Variants in TACR1 observed in about 807,000 individuals in gnomAD.
TACR1 encodes tachykinin receptor 1.
In TACR1, 25 loss-of-function variants were observed where a neutral mutation model predicts 35.8. The ratio of observed to expected loss-of-function variants is 0.70; its 90% CI spans 0.51 to 0.98. The LOEUF is 0.98. TACR1 is among the 50% of genes least tolerant of loss of function. The pLI, the probability that TACR1 is intolerant of heterozygous loss-of-function variation, is 0.00. For synonymous variants in TACR1, 195 were observed against 206.7 expected (o/e 0.94, Z 0.48); for missense variants, 478 against 522.9 (o/e 0.91, Z 0.84).
intron 1 of TACR1, among the ~76,000 whole-genome samples, chr2:75,138,355 A>G (rs942581814): frequency 6.6e-6 from 1 of 152,186 alleles, no homozygotes; most frequent in Admixed American, 6.5e-5. Context: ...TGGGCAGATT[A>G]ATGCTTGAAT....
intron 2 of TACR1, among the ~76,000 whole-genome samples, chr2:75,092,483 C>T (rs1673331038): frequency 6.6e-6 from 1 of 152,000 alleles, no homozygotes; most frequent in Non-Finnish European, 1.5e-5. Context: ...AAAACTTTAC[C>T]TGGTAACTTA....
intron 1 of TACR1, among the ~76,000 whole-genome samples, chr2:75,122,330 T>C (rs769412490): frequency 3.3e-5 from 5 of 152,186 alleles, no homozygotes; most frequent in African/African-American, 4.8e-5. Flanking sequence ...TGTTTCTCCA[T>C]GTTAGGATTA....
In TACR1 at chr2:75,049,382, G is replaced by A. The variant is rs775365363; in HGVS notation, c.*50C>T. 3.2e-6 allele frequency: 5 copies of A among 1,560,028 alleles called. No individual in the cohort carries two copies. The highest frequency in any genetic ancestry group is 4.4e-6 in the Non-Finnish European group (5 of 1,146,806). On this transcript the variant is annotated 3_prime_UTR_variant, in exon 5 of 5. Transcript: ENST00000305249. ...ATGAAGGGAATTTCCATGCATGAAG[G>A]GAGGCAGGTCAAAGGCAGTGGGGGC...
chr2:75,184,860 A>T (rs966849112), intron 1 of TACR1, among the ~76,000 whole-genome samples: 1 of 151,846 alleles, frequency 6.6e-6, no homozygotes, highest in Non-Finnish European at 1.5e-5. Context: ...TAAAAGCTCG[A>T]CTACATAGAC....
chr2:75,077,168 C>A (rs577622904), intron 2 of TACR1, among the ~76,000 whole-genome samples: 41 of 152,228 alleles, frequency 2.7e-4, no homozygotes, highest in Non-Finnish European at 1.2e-4. Flanking sequence ...TGGGGTTTCT[C>A]CATGTTGGTC....
intron 1 of TACR1, among the ~76,000 whole-genome samples, chr2:75,155,210 G>C (rs1233215134): frequency 6.6e-6 from 1 of 152,170 alleles, no homozygotes; most frequent in African/African-American, 2.4e-5. Flanking sequence ...CCATTCTTGG[G>C]ATTGCAGCTC....
intron 2 of TACR1, among the ~76,000 whole-genome samples, chr2:75,094,175 A>G (rs1673366264): frequency 6.6e-6 from 1 of 152,226 alleles, no homozygotes. Flanking sequence ...ATAGGATGCC[A>G]TGGGGAAAAA....
intron 2 of TACR1, among the ~76,000 whole-genome samples, chr2:75,093,520 G>A (rs1673350199): frequency 1.3e-5 from 2 of 152,164 alleles, no homozygotes; most frequent in African/African-American, 4.8e-5. Context: ...TTATGGGTGA[G>A]CATTGAGGAC....
intron 2 of TACR1, among the ~76,000 whole-genome samples, chr2:75,095,856 C>T (rs1032530278): frequency 1.3e-5 from 2 of 152,120 alleles, no homozygotes; most frequent in African/African-American, 4.8e-5. Flanking sequence ...CCAGGTGGTA[C>T]AGCTACAAGA....
chr2:75,114,325 AC>A (rs1322159472), intron 2 of TACR1, among the ~76,000 whole-genome samples: 4 of 152,204 alleles, frequency 2.6e-5, no homozygotes, highest in Admixed American at 2.0e-4. Flanking sequence ...TTAATAAATG[AC>A]TCAGGGAAGC....
intron 1 of TACR1, among the ~76,000 whole-genome samples, chr2:75,146,276 C>T (rs981881507): frequency 6.6e-6 from 1 of 152,136 alleles, no homozygotes; most frequent in Non-Finnish European, 1.5e-5. Flanking sequence ...GCATGTGCCA[C>T]TATGCCTGGC....
At chr2:75,184,040 G>T (rs759942232) in intron 1 of TACR1, among the ~76,000 whole-genome samples, 8 of 152,142 alleles carry the variant, frequency 5.3e-5, no homozygotes, top group Non-Finnish European at 1.2e-4. Context: ...TGAAAAGACA[G>T]CATTAAAAAA....
At chr2:75,104,221 A>G (rs2103876828) in intron 2 of TACR1, among the ~76,000 whole-genome samples, 1 of 152,170 alleles carries the variant, frequency 6.6e-6, no homozygotes, top group Non-Finnish European at 1.5e-5. Flanking sequence ...GTAGAAAAAG[A>G]TACGCCATCC....
At chr2:75,163,193 C>T (rs1457346415) in intron 1 of TACR1, among the ~76,000 whole-genome samples, 4 of 152,162 alleles carry the variant, frequency 2.6e-5, no homozygotes, top group African/African-American at 9.7e-5. Context: ...GGAGAGTCCC[C>T]ATTGATTCAC....
At position 75,049,404 on chromosome 2, in the gene TACR1, G is replaced by A. The variant is rs200365445; in HGVS notation, c.*28C>T. On this transcript the variant is annotated 3_prime_UTR_variant, in exon 5 of 5. Transcript: ENST00000305249. ...AAGGGAGGCAGGTCAAAGGCAGTGGGGGCTGCACCTGCCAAAGGCCCTGTG... is the reference window on the plus strand; with the variant it reads ...AAGGGAGGCAGGTCAAAGGCAGTGGAGGCTGCACCTGCCAAAGGCCCTGTG... 4.8e-5 allele frequency: 76 copies of A among 1,596,348 alleles called. No individual in the cohort carries two copies. The Middle Eastern group carries it at 1.2e-3, about 25-fold the overall frequency.
In TACR1 at chr2:75,195,440, A is replaced by G. The variant is rs539378730; in HGVS notation, c.389+3106T>C. ...TTTTTTCCTTCCCTGACCCCACCCC[A>G]CCTTTCCTGTAGAAAGACTACAGGA... is the stretch of plus-strand genomic sequence containing the variant. On this transcript the variant is annotated intron_variant, in intron 1 of 4. Transcript: ENST00000305249. Among the ~76,000 whole-genome samples, 5 of 123,634 alleles carry G rather than the reference A, an allele frequency of 4.0e-5. No homozygotes were observed. In the South Asian group the frequency reaches 1.0e-3, roughly 26 times the overall value. The allele number at this position is 123,634 out of a possible 152,430, so 81.1% of individuals were successfully genotyped here. A position where few individuals can be genotyped will look rare whatever the true frequency, so the allele number is the denominator to read the frequency against.
intron 1 of TACR1, among the ~76,000 whole-genome samples, chr2:75,158,028 C>A (rs991605051): frequency 5.9e-5 from 9 of 152,280 alleles, no homozygotes; most frequent in Admixed American, 1.3e-4. Context: ...TAGGTCTAAA[C>A]CTTATTTTAA....
intron 1 of TACR1, chr2:75,189,113 A>G (rs1478835317): frequency 6.6e-6 from 1 of 152,222 alleles, no homozygotes; most frequent in African/African-American, 2.4e-5. Flanking sequence ...GAGGCTGTGC[A>G]TGATTCCGTC....
chr2:75,138,762 TTCAA>T (rs376819328), intron 1 of TACR1, among the ~76,000 whole-genome samples: 1,333 of 94,924 alleles, frequency 0.014, 14 homozygotes, highest in African/African-American at 0.054. Context: ...CATCTACTCA[TTCAA>T]TCATTCATTC....
Sources: allele counts gnomAD v4.1 joint callset (sites outside exome capture counted in the v4.1 genomes callset), GRCh38; gene constraint gnomAD v4.1.1; transcripts MANE v1.5; gene names NCBI Gene and HGNC (gene_info 2026-07-23, HGNC 2026-07-21).